AMMECR1: variants seen among roughly 807,000 people sequenced by gnomAD.
AMMECR1 encodes the protein AMMECR nuclear protein 1, also known as nuclear protein AMMECR1.
Under a neutral mutation model 22.5 loss-of-function variants are expected in AMMECR1, and 3 were observed. The observed-to-expected ratio is 0.13, with a 90% CI of 0.06 to 0.35. The LOEUF is 0.35. Ranked by LOEUF, AMMECR1 falls within the 10% of genes least tolerant of loss-of-function variation. The pLI, the probability that AMMECR1 is intolerant of heterozygous loss-of-function variation, is 1.00. For missense variants in AMMECR1, 235 were observed against 278.7 expected (o/e 0.84, Z 1.12); for synonymous variants, 130 against 116.7 (o/e 1.11, Z -0.74).
At chrX:110,434,790 A>T (rs2068824238) in intron 1 of AMMECR1, among the ~76,000 whole-genome samples, 1 of 110,356 alleles carries the variant, frequency 9.1e-6, no homozygotes, top group Non-Finnish European at 1.9e-5. Context: ...CAGTCAAGGG[A>T]TATTAGTTGA....
In AMMECR1 at chrX:110,252,873, C is replaced by T. The variant is rs147142599; in HGVS notation, c.584+11616G>A. Among the ~76,000 whole-genome samples the T allele has an allele frequency of 8.0e-5, 9 of 111,987 alleles. No homozygotes were observed. The East Asian group carries it at 2.2e-3, about 28-fold the overall frequency. On this transcript the variant is annotated intron_variant, in intron 2 of 5. Coordinates refer to ENST00000262844, the MANE Select transcript of AMMECR1 (RefSeq NM_015365.3). ...GTATGCCAGGTGGTGATAAGTGCTA[C>T]GGAGAAAAATGAAGCAGGGTAAACG... is the stretch of plus-strand genomic sequence containing the variant.
chrX:110,211,381 C>T (rs771878097), intron 3 of AMMECR1, among the ~76,000 whole-genome samples: 2 of 112,001 alleles, frequency 1.8e-5, no homozygotes, highest in South Asian at 7.5e-4. Flanking sequence ...ATAGAATCAC[C>T]CCTCAAGTCA....
chrX:110,224,090 CTGAT>C (rs2148175983), intron 2 of AMMECR1, among the ~76,000 whole-genome samples: 1 of 111,824 alleles, frequency 8.9e-6, no homozygotes, highest in African/African-American at 3.3e-5. Context: ...TCAAAGAACT[CTGAT>C]TGATCATCCG....
intron 4 of AMMECR1, 140 bp from the exon 5 acceptor site, chrX:110,201,190 C>G (rs950258607): frequency 1.0e-5 from 4 of 389,733 alleles, no homozygotes; most frequent in African/African-American, 7.6e-5. Flanking sequence ...AACAATCACA[C>G]AGAAAAGCTA....
chrX:110,305,650 T>C (rs944949059), intron 1 of AMMECR1: 3 of 111,709 alleles, frequency 2.7e-5, no homozygotes, highest in African/African-American at 9.8e-5. Context: ...CAAGTGTGTA[T>C]ACTGTAAGAA....
chrX:110,312,411 G>T (rs1003876372), intron 1 of AMMECR1, among the ~76,000 whole-genome samples: 2 of 111,881 alleles, frequency 1.8e-5, no homozygotes, highest in South Asian at 3.8e-4. Context: ...TTCAGTAGTG[G>T]TCTTTCTTCC....
chrX:110,434,895 G>A (rs1218625311), intron 1 of AMMECR1, among the ~76,000 whole-genome samples: 1 of 109,451 alleles, frequency 9.1e-6, no homozygotes, highest in Non-Finnish European at 1.9e-5. Flanking sequence ...ATTTAATGAG[G>A]GAGGTGGTGG....
At chrX:110,205,600 C>T (rs2067418319) in intron 3 of AMMECR1, among the ~76,000 whole-genome samples, 1 of 111,625 alleles carries the variant, frequency 9.0e-6, no homozygotes. Flanking sequence ...ACTAAACATA[C>T]CCCTAACTAA....
At chrX:110,205,250 C>T (rs769549366) in intron 3 of AMMECR1, among the ~76,000 whole-genome samples, 2 of 111,781 alleles carry the variant, frequency 1.8e-5, no homozygotes, top group Non-Finnish European at 3.8e-5. Context: ...GAGAACATGG[C>T]CTGCTGTGGA....
chrX:110,366,539 A>G (rs1363682992), intron 2 of AMMECR1, among the ~76,000 whole-genome samples: 6 of 111,584 alleles, frequency 5.4e-5, no homozygotes, highest in Non-Finnish European at 1.1e-4. Context: ...TAAGAGAACA[A>G]TTACGTGCTA....
chrX:110,356,484 G>A (rs1166946362), intron 2 of AMMECR1, among the ~76,000 whole-genome samples: 2 of 110,749 alleles, frequency 1.8e-5, no homozygotes, highest in East Asian at 5.6e-4. Context: ...GTGATGTATT[G>A]CACTACATGG....
chrX:110,231,696 C>A (rs2067567399), intron 2 of AMMECR1, among the ~76,000 whole-genome samples: 1 of 111,417 alleles, frequency 9.0e-6, no homozygotes, highest in African/African-American at 3.3e-5. Context: ...GGGCTAAATA[C>A]CCCAATTAAA....
chrX:110,411,408 C>G (rs1413299415), intron 2 of AMMECR1, among the ~76,000 whole-genome samples: 1 of 111,821 alleles, frequency 8.9e-6, no homozygotes, highest in Non-Finnish European at 1.9e-5. Flanking sequence ...GACAACCGGC[C>G]TGCCACCAAA....
At chrX:110,402,986 G>A (rs1461256356) in intron 2 of AMMECR1, among the ~76,000 whole-genome samples, 1 of 111,972 alleles carries the variant, frequency 8.9e-6, no homozygotes, top group Non-Finnish European at 1.9e-5. Context: ...CTGCTTGGCT[G>A]GTAGAGGATA....
At chrX:110,391,973 G>A (rs1166198375) in intron 2 of AMMECR1, among the ~76,000 whole-genome samples, 2 of 111,716 alleles carry the variant, frequency 1.8e-5, no homozygotes, top group Non-Finnish European at 3.8e-5. Flanking sequence ...TGTTCAAAAG[G>A]GAAAACATAA....
intron 2 of AMMECR1, among the ~76,000 whole-genome samples, chrX:110,324,379 A>C (rs2068089911): frequency 1.8e-5 from 2 of 111,257 alleles, no homozygotes; most frequent in Non-Finnish European, 3.8e-5. Flanking sequence ...GGATTTCTTA[A>C]GATTTTGTGT....
rs1332598898 is a variant in AMMECR1 at position 110,198,590 on chromosome X, G to A, written c.932C>T (p.Ala311Val). The change falls in exon 6 of 6, where the codon GCT becomes GTT. Residue 311 changes from alanine to valine, a missense_variant. Physicochemically the swap from Ala to Val is moderately conservative, Grantham distance 64. Coordinates refer to ENST00000262844, the MANE Select transcript of AMMECR1 (RefSeq NM_015365.3). ...TTGGAAATGATGATGCTGGCGATGA[G>A]CAAGGTATTCAGCATAGCTCAGGGT... ...KMTLSYAEYL[A>V]HRQHHHFQNG... The A allele has an allele frequency of 3.3e-6, 4 of 1,202,336 alleles. No homozygotes were observed. Among genetic ancestry groups the A allele is most frequent in the Non-Finnish European group, 4.5e-6 (4 of 891,488 alleles).
At chrX:110,317,009 A>G (rs2068051659) in intron 1 of AMMECR1, among the ~76,000 whole-genome samples, 1 of 111,679 alleles carries the variant, frequency 9.0e-6, no homozygotes, top group Non-Finnish European at 1.9e-5. Flanking sequence ...AAAAATAAGT[A>G]GTAAGGGAAA....
At chrX:110,392,268 A>G (rs1253284173) in intron 2 of AMMECR1, among the ~76,000 whole-genome samples, 1 of 103,623 alleles carries the variant, frequency 9.7e-6, no homozygotes, top group Non-Finnish European at 2.0e-5. Context: ...AATTTCTACC[A>G]CAGGTTTTTT....
Sources: gnomAD v4.1 joint callset for allele counts (sites outside exome capture counted in the v4.1 genomes callset) on GRCh38, gnomAD v4.1.1 for gene constraint, MANE v1.5 for transcripts, NCBI Gene and HGNC (gene_info 2026-07-23, HGNC 2026-07-21) for gene names.